Variants in ABHD14B observed in about 807,000 individuals in gnomAD.
ABHD14B encodes the protein abhydrolase domain containing 14B.
A neutral mutation model predicts 15.4 loss-of-function variants in ABHD14B; 19 were observed. That is an observed-to-expected ratio of 1.23 (90% CI 0.86 to 1.81). ABHD14B has a LOEUF of 1.81. Ranked by LOEUF, ABHD14B falls within the 40% of genes most tolerant of loss-of-function variation. The pLI, the probability that ABHD14B is intolerant of heterozygous loss-of-function variation, is 0.00. For missense variants in ABHD14B, 243 were observed against 267.0 expected, an observed-to-expected ratio of 0.91 and a Z score of 0.63; for synonymous variants, 92 against 117.3, an observed-to-expected ratio of 0.78 and a Z score of 1.39.
intron 1 of ABHD14B, 45 bp from the exon 2 acceptor site, chr3:51,971,743 C>A: frequency 6.4e-7 from 1 of 1,555,008 alleles, no homozygotes; most frequent in African/African-American, 1.4e-5. Flanking sequence ...GAACACCCTG[C>A]CCAGGGTGGC....
In ABHD14B at chr3:51,973,941, G is replaced by A. The variant is rs1232576201; in HGVS notation, c.-29+24C>T. The A allele has an allele frequency of 3.1e-6, 4 of 1,289,822 alleles. No individual in the cohort carries two copies. The South Asian group carries it at 3.7e-5, about 12-fold the overall frequency. 79.9% of individuals were successfully genotyped at this position (1,289,822 alleles called of 1,614,324 possible). ...TTGGATTTTGACTGGAGAGAAGAAA[G>A]GGTCAGGAGTGCAGGGCGGGTACCT... On this transcript the variant is annotated intron_variant, in intron 1 of 3. Transcript: ENST00000361143.
At chr3:51,969,800 G>T in intron 3 of ABHD14B, 143 bp downstream of exon 3, 1 of 1,507,252 alleles carries the variant, frequency 6.6e-7, no homozygotes. Flanking sequence ...GTAGTCTGCT[G>T]AGTAAACCAA....
At position 51,969,408 on chromosome 3, in the gene ABHD14B, C is replaced by T; in HGVS notation, c.*18G>A. 1 of 1,595,924 alleles carries T rather than the reference C, an allele frequency of 6.3e-7. No individual in the cohort carries two copies. Among genetic ancestry groups the T allele is most frequent in the African/African-American group, 1.3e-5 (1 of 74,642 alleles). Reference sequence around the variant, plus strand: ...TCAGAGCAGGCAGGCAGCCCACCCCCTGCAGCAGTGCTGGGCTTCACTGGA... The same window carrying T: ...TCAGAGCAGGCAGGCAGCCCACCCCTTGCAGCAGTGCTGGGCTTCACTGGA... On this transcript the variant is annotated 3_prime_UTR_variant, in exon 4 of 4. Transcript: ENST00000361143.
At chr3:51,973,670 C>T in intron 1 of ABHD14B, 1 of 400,450 alleles carries the variant, frequency 2.5e-6, no homozygotes, top group Non-Finnish European at 4.6e-6. Context: ...CGCGCTTCCA[C>T]ACCGGAAAGC....
At position 51,974,004 on chromosome 3, in the gene ABHD14B, G is replaced by T; in HGVS notation, c.-68C>A. On this transcript the variant is annotated 5_prime_UTR_variant, in exon 1 of 4. Transcript: ENST00000361143. ...GGACTCGCGCAGACGGGAAGCAGGC[G>T]CGTGCTGGCGGTGACCTGGGGCCGG... 7.8e-7 allele frequency: 1 copy of T among 1,289,122 alleles called. No homozygotes were observed. The highest frequency in any genetic ancestry group is 1.0e-6 in the Non-Finnish European group (1 of 988,828). The allele number at this position is 1,289,122 out of a possible 1,614,324, so 79.9% of individuals were successfully genotyped here.
At position 51,970,134 on chromosome 3, in the gene ABHD14B, C is replaced by T. The variant is rs202084346; in HGVS notation, c.262G>A (p.Ala88Thr). Residue 88 changes from alanine (A) to threonine (T), a missense_variant, in exon 3 of 4, where the codon GCC becomes ACC. Coordinates refer to ENST00000361143, the MANE Select transcript of ABHD14B (RefSeq NM_001146314.2). ...AAAPAPIGEL[A>T]PGSFLAAVVD... ...ACAGCCGCCAGGAAGCTGCCAGGGGCCAGCTCCCCAATAGGGGCAGGGGCT... is the reference window on the plus strand; with the variant it reads ...ACAGCCGCCAGGAAGCTGCCAGGGGTCAGCTCCCCAATAGGGGCAGGGGCT... The T allele has an allele frequency of 4.4e-5, 69 of 1,569,878 alleles. No homozygotes were observed. Among genetic ancestry groups the T allele is most frequent in the Non-Finnish European group, 5.4e-5 (62 of 1,157,850 alleles).
At chr3:51,973,170 G>C (rs1410819035) in intron 1 of ABHD14B, among the ~76,000 whole-genome samples, 1 of 150,782 alleles carries the variant, frequency 6.6e-6, no homozygotes. Flanking sequence ...TCAGCCTCCC[G>C]GGTAGCTGGG....
intron 1 of ABHD14B, chr3:51,973,742 G>A (rs1700712988): frequency 7.5e-6 from 7 of 927,392 alleles, no homozygotes; most frequent in Non-Finnish European, 9.0e-6. Flanking sequence ...GGGGATGCGG[G>A]GTGCTCAACG....
chr3:51,973,793 G>A (rs1365752765), intron 1 of ABHD14B, 172 bp downstream of exon 1: 4 of 1,276,812 alleles, frequency 3.1e-6, no homozygotes, highest in African/African-American at 3.0e-5. Flanking sequence ...TCGCGGTCAG[G>A]TTGCTTCCGC....
Position 51,969,122 on chromosome 3 carries a change from G to C in ABHD14B, c.*304C>G, listed in dbSNP as rs1209716494. On this transcript the variant is annotated 3_prime_UTR_variant, in exon 4 of 4. Transcript: ENST00000361143. Reference sequence around the variant, plus strand: ...TGGGAGGGAAAGGCTGGGCAGAGCAGGGGAAGGAGTGAAAGCCAGGCAGGA... The same window carrying C: ...TGGGAGGGAAAGGCTGGGCAGAGCACGGGAAGGAGTGAAAGCCAGGCAGGA... The C allele has an allele frequency of 3.7e-6, 1 of 272,270 alleles. No individual in the cohort carries two copies. Among genetic ancestry groups the C allele is most frequent in the Non-Finnish European group, 7.0e-6 (1 of 143,700 alleles). The allele number at this position is 272,270 out of a possible 1,614,324, so 16.9% of individuals were successfully genotyped here. A position where few individuals can be genotyped will look rare whatever the true frequency, so the allele number is the denominator to read the frequency against.
intron 1 of ABHD14B, chr3:51,973,652 A>G (rs935483835): frequency 2.1e-5 from 8 of 376,360 alleles, no homozygotes; most frequent in African/African-American, 1.3e-4. Context: ...AGTAGCTGGA[A>G]CCACAGGCGC....
Position 51,974,011 on chromosome 3 carries a change from G to A in ABHD14B, c.-75C>T, listed in dbSNP as rs1207623174. The A allele has an allele frequency of 1.6e-6, 2 of 1,289,040 alleles. No homozygotes were observed. The highest frequency in any genetic ancestry group is 1.5e-5 in the African/African-American group (1 of 65,982). The allele number at this position is 1,289,040 out of a possible 1,614,324, so 79.9% of individuals were successfully genotyped here. A position where few individuals can be genotyped will look rare whatever the true frequency, so the allele number is the denominator to read the frequency against. ...CGCAGACGGGAAGCAGGCGCGTGCT[G>A]GCGGTGACCTGGGGCCGGAGGAGGA... On this transcript the variant is annotated 5_prime_UTR_variant, in exon 1 of 4. Transcript: ENST00000361143.
At position 51,971,540 on chromosome 3, in the gene ABHD14B, G is replaced by A. The variant is rs369564540; in HGVS notation, c.131C>T (p.Ser44Phe). Residue 44 changes from serine to phenylalanine, a missense_variant, in exon 2 of 4, where the codon TCC (serine) becomes TTC (phenylalanine). By Grantham distance (155) the Ser-to-Phe change is radical. Coordinates refer to ENST00000361143, the MANE Select transcript of ABHD14B (RefSeq NM_001146314.2). ...ACCCAGGTTCTGCCAGGTCTCGGAG[G>A]AGAAGCGAATACCATGCAGCAGCAG... ...SVLLLHGIRF[S>F]SETWQNLGTL... 65 of 1,613,552 alleles carry A rather than the reference G, an allele frequency of 4.0e-5. No individual in the cohort carries two copies. The highest frequency in any genetic ancestry group is 5.0e-5 in the Non-Finnish European group (59 of 1,179,870).
At chr3:51,969,895 C>A (rs1700620925) in intron 3 of ABHD14B, 48 bp downstream of exon 3, 1 of 1,614,074 alleles carries the variant, frequency 6.2e-7, no homozygotes, top group Non-Finnish European at 8.5e-7. Context: ...AGGGATGCAC[C>A]CTTCCTTGCT....
rs775290445 is a variant in ABHD14B, at chr3:51,970,081, C to T, written c.315G>A (p.Pro105=). The T allele has an allele frequency of 3.1e-6, 5 of 1,606,302 alleles. No homozygotes were observed. Among genetic ancestry groups the T allele is most frequent in the African/African-American group, 2.7e-5 (2 of 74,718 alleles). ...CACTCAGTGATGGACTGATCACAAC[C>T]GGGGGGCCCAGCTCCAAGGCATCCA... The part of the protein sequence containing the change: ...AVVDALELGP[P]VVISPSLSGM... The change falls in exon 3 of 4, where the codon CCG becomes CCA. Residue 105 remains proline (P), a synonymous_variant. Transcript: ENST00000361143.
At chr3:51,970,994 C>G (rs1700642562) in intron 2 of ABHD14B, among the ~76,000 whole-genome samples, 1 of 152,358 alleles carries the variant, frequency 6.6e-6, no homozygotes, top group Non-Finnish European at 1.5e-5. Flanking sequence ...CCTTGTCCCC[C>G]AGAAGACTCA....
rs1352572745 is a variant in ABHD14B at position 51,969,440 on chromosome 3, G to A, written c.619C>T (p.Gln207Ter). The A allele has an allele frequency of 6.2e-7, 1 of 1,612,202 alleles. No homozygotes were observed. ...AGTGCTGGGCTTCACTGGAGCCCCT[G>A]CAGGAAGTCCAGCAGCCCTGTATGC... ...EWHTGLLDFL[Q>*]GLQ Residue 207 changes from glutamine to a stop codon, truncating the protein, a stop_gained, in exon 4 of 4, where the codon CAG (glutamine) becomes TAG (stop). Transcript: ENST00000361143. LOFTEE classifies it high-confidence loss of function.
In ABHD14B at chr3:51,973,198, C is replaced by A. The variant is rs1386285085; in HGVS notation, c.-29+767G>T. 2.6e-5 allele frequency among the ~76,000 whole-genome samples: 4 copies of A among 152,088 alleles called. No homozygotes were observed. The East Asian group carries it at 7.7e-4, about 29-fold the overall frequency. The stretch of plus-strand genomic sequence containing the variant: ...TAGCTGGGACTACAGGCACGCGCCA[C>A]CACGCCCGGCTAATTTTTTGTTTTT... On this transcript the variant is annotated intron_variant, in intron 1 of 3. Coordinates refer to ENST00000361143, the MANE Select transcript of ABHD14B (RefSeq NM_001146314.2).
chr3:51,974,627 G>A (rs1370251677), upstream of ABHD14B: 1 of 156,714 alleles, frequency 6.4e-6, no homozygotes, highest in African/African-American at 2.4e-5. Context: ...GGCGCCATGA[G>A]TAGACGTGAA....
Sources: gnomAD v4.1 joint callset for allele counts (sites outside exome capture counted in the v4.1 genomes callset) on GRCh38, gnomAD v4.1.1 for gene constraint, MANE v1.5 for transcripts, NCBI Gene and HGNC (gene_info 2026-07-23, HGNC 2026-07-21) for gene names.